SNX29: variants seen among roughly 807,000 people sequenced by gnomAD.
The protein encoded by SNX29 is sorting nexin-29.
In SNX29, 78 loss-of-function variants were observed where a neutral mutation model predicts 102.1. That is an observed-to-expected ratio of 0.76 (90% CI 0.64 to 0.92). The LOEUF is 0.92. Among genes scored for constraint, SNX29 ranks in the 40% least tolerant of loss-of-function variants. The pLI, the probability that SNX29 is intolerant of heterozygous loss-of-function variation, is 0.00. For synonymous variants in SNX29, 580 were observed against 414.5 expected, an observed-to-expected ratio of 1.40 and a Z score of -4.85; for missense variants, 1,280 against 1,061.7, an observed-to-expected ratio of 1.21 and a Z score of -2.86.
At chr16:12,033,723 C>T (rs992164722) in intron 4 of SNX29, among the ~76,000 whole-genome samples, 1 of 151,708 alleles carries the variant, frequency 6.6e-6, no homozygotes, top group Non-Finnish European at 1.5e-5. Context: ...TCTCCTGCTT[C>T]AGCCTCCTGA....
intron 13 of SNX29, among the ~76,000 whole-genome samples, chr16:12,169,110 A>T (rs1337419297): frequency 6.6e-6 from 1 of 152,220 alleles, no homozygotes; most frequent in Admixed American, 6.5e-5. Flanking sequence ...CATTGTCGGG[A>T]TAGCTGCACA....
At chr16:12,153,953 T>C (rs11639556) in intron 13 of SNX29, among the ~76,000 whole-genome samples, 22,262 of 152,286 alleles carry the variant, frequency 0.15, 1,940 homozygotes, top group Admixed American at 0.26. Context: ...GTTTGAATTA[T>C]GGAGACGGTG....
chr16:12,007,854 T>C (rs2056508853), intron 3 of SNX29, among the ~76,000 whole-genome samples: 1 of 152,250 alleles, frequency 6.6e-6, no homozygotes, highest in Non-Finnish European at 1.5e-5. Flanking sequence ...AAGACCCACG[T>C]CCTTAACACA....
chr16:12,025,302 C>CAAAAAAAAA (rs35724715), intron 3 of SNX29, among the ~76,000 whole-genome samples: 8 of 60,568 alleles, frequency 1.3e-4, no homozygotes, highest in Admixed American at 2.3e-4. Flanking sequence ...AACTCCATCT[C>CAAAAAAAAA]AAAAAAAAAA....
At position 12,571,475 on chromosome 16, in the gene SNX29, T is replaced by C; in HGVS notation, c.*2846T>C. ...ATCTGAGAACAGAAGCCCCCTCCCCTACTCAGAGAGGAACGAGGGTGGCCC... is the reference window on the plus strand; with the variant it reads ...ATCTGAGAACAGAAGCCCCCTCCCCCACTCAGAGAGGAACGAGGGTGGCCC... On this transcript the variant is annotated 3_prime_UTR_variant, in exon 21 of 21. Transcript: ENST00000566228. The C allele has an allele frequency of 3.7e-6, 1 of 267,336 alleles. No individual in the cohort carries two copies. Among genetic ancestry groups the C allele is most frequent in the East Asian group, 6.1e-5 (1 of 16,438 alleles). The allele number at this position is 267,336 out of a possible 1,614,324, so 16.6% of individuals were successfully genotyped here. A position where few individuals can be genotyped will look rare whatever the true frequency, so the allele number is the denominator to read the frequency against.
chr16:12,012,760 A>G (rs1395976900), intron 3 of SNX29, among the ~76,000 whole-genome samples: 1 of 151,930 alleles, frequency 6.6e-6, no homozygotes, highest in Admixed American at 6.6e-5. Context: ...CATTTTTGCC[A>G]TTTCTATGTT....
At position 12,524,799 on chromosome 16, in the gene SNX29, G is replaced by GC. The variant is rs2076733472; in HGVS notation, c.2280dup (p.Lys761GlnfsTer52). 1 of 1,613,572 alleles carries GC rather than the reference G, an allele frequency of 6.2e-7. No individual in the cohort carries two copies. Among genetic ancestry groups the GC allele is most frequent in the Non-Finnish European group, 8.5e-7 (1 of 1,179,804 alleles). On this transcript the variant is annotated frameshift_variant, in exon 20 of 21. Transcript: ENST00000566228. LOFTEE classifies it high-confidence loss of function. ...CAGATGGTCCCCGAGTTCGCTGCCA[G>GC]CCCCAAGAAGGAGACCCTCATCCAG...
At chr16:12,134,289 T>C (rs912711281) in intron 13 of SNX29, among the ~76,000 whole-genome samples, 1 of 152,220 alleles carries the variant, frequency 6.6e-6, no homozygotes, top group African/African-American at 2.4e-5. Flanking sequence ...CAAATTATCC[T>C]CAAACTTGGT....
chr16:12,215,616 A>C (rs2077303706), intron 14 of SNX29, among the ~76,000 whole-genome samples: 1 of 152,194 alleles, frequency 6.6e-6, no homozygotes, highest in South Asian at 2.1e-4. Context: ...ACAGGCAGGC[A>C]GGTGGACCTT....
intron 1 of SNX29, among the ~76,000 whole-genome samples, chr16:11,988,731 A>C (rs193120236): frequency 1.2e-4 from 19 of 152,104 alleles, no homozygotes; most frequent in Admixed American, 2.6e-4. Flanking sequence ...GTACATTGCC[A>C]TGCTAGTGTT....
At chr16:12,550,211 G>T (rs745327875) in intron 20 of SNX29, among the ~76,000 whole-genome samples, 7 of 152,230 alleles carry the variant, frequency 4.6e-5, no homozygotes, top group Admixed American at 6.5e-5. Context: ...AAGCATGGAA[G>T]AGTACCACAC....
intron 8 of SNX29, among the ~76,000 whole-genome samples, chr16:12,057,102 C>G (rs745907717): frequency 1.3e-5 from 2 of 152,182 alleles, no homozygotes; most frequent in Non-Finnish European, 1.5e-5. Context: ...GCATGGGTCA[C>G]TGAGCCAGGC....
rs2050310410 is a variant in SNX29, at chr16:12,051,700, C to A, written c.749-147C>A. The A allele has an allele frequency of 3.3e-6, 4 of 1,214,422 alleles. No individual in the cohort carries two copies. In the South Asian group the frequency reaches 4.9e-5, roughly 15 times the overall value. The allele number at this position is 1,214,422 out of a possible 1,614,324, so 75.2% of individuals were successfully genotyped here. On this transcript the variant is annotated intron_variant, in intron 7 of 20. Transcript: ENST00000566228. ...TCAATCTTCTGTACACAGATTTTCA[C>A]TGAGGATTTTAAAAAGTCTGAATTC...
Position 12,541,665 on chromosome 16 carries a change from G to C in SNX29, c.2318+16824G>C, listed in dbSNP as rs186926847. ...CGTTCAGCCAGCTCCTAATGCAGCC[G>C]TGCTGACACCCGTTTACCACTACCC... On this transcript the variant is annotated intron_variant, in intron 20 of 20. Coordinates refer to ENST00000566228, the MANE Select transcript of SNX29 (RefSeq NM_032167.5). 2.6e-5 allele frequency among the ~76,000 whole-genome samples: 4 copies of C among 152,222 alleles called. No individual in the cohort carries two copies. In the East Asian group the frequency reaches 5.8e-4, roughly 22 times the overall value.
chr16:12,354,385 G>T (rs1019259991), intron 15 of SNX29, among the ~76,000 whole-genome samples: 8 of 152,208 alleles, frequency 5.3e-5, no homozygotes, highest in Non-Finnish European at 1.2e-4. Context: ...ATGTGGTCAA[G>T]TTCTGCTCTT....
At position 12,098,557 on chromosome 16, in the gene SNX29, ACGATTCAGTTTCATGCGCGCC is replaced by A. The variant is rs956439363; in HGVS notation, c.1402+19659_1402+19679del. 9.9e-5 allele frequency among the ~76,000 whole-genome samples: 15 copies of A among 152,106 alleles called. No individual in the cohort carries two copies. The highest frequency in any genetic ancestry group is 6.5e-4 in the Admixed American group (10 of 15,288). The stretch of plus-strand genomic sequence containing the variant: ...CACACCGTCGGTTTCATGTGCGCAG[ACGATTCAGTTTCATGCGCGCC>A]CGATTCAGTTTCATGCTCTTCCGTC... On this transcript the variant is annotated intron_variant, in intron 11 of 20. Transcript: ENST00000566228. The surrounding 1 kb of genome is among the most constrained non-coding windows in gnomAD (Gnocchi z 6.0).
At chr16:12,375,134 G>A (rs1398475739) in intron 16 of SNX29, 1 of 152,126 alleles carries the variant, frequency 6.6e-6, no homozygotes, top group African/African-American at 2.4e-5. Context: ...TCCTGGTGGT[G>A]CTTTGTGATG....
Position 12,554,341 on chromosome 16 carries a change from C to G in SNX29, c.2319-14165C>G, listed in dbSNP as rs116718689. On this transcript the variant is annotated intron_variant, in intron 20 of 20. Coordinates refer to ENST00000566228, the MANE Select transcript of SNX29 (RefSeq NM_032167.5). ...AAAATGGGACCAGATGTCTTTTGTTCTGTAGCTTTTCCCTTACCTGTGTCT... is the reference window on the plus strand; with the variant it reads ...AAAATGGGACCAGATGTCTTTTGTTGTGTAGCTTTTCCCTTACCTGTGTCT... Among the ~76,000 whole-genome samples, 94 of 151,394 alleles carry G rather than the reference C, an allele frequency of 6.2e-4. 1 individual carries two copies. Among genetic ancestry groups the G allele is most frequent in the African/African-American group, 2.2e-3 (89 of 40,954 alleles).
At position 12,074,673 on chromosome 16, in the gene SNX29, G is replaced by A. The variant is rs540710982; in HGVS notation, c.1320-4160G>A. Among the ~76,000 whole-genome samples the A allele has an allele frequency of 4.3e-4, 65 of 152,196 alleles. 1 individual carries two copies. The highest frequency in any genetic ancestry group is 1.4e-3 in the African/African-American group (58 of 41,532). The stretch of plus-strand genomic sequence containing the variant: ...GTTGCTCTTCTCCAGGAGTATCTTT[G>A]TGGCGTTCTCTGTATTTCCTGAATC... On this transcript the variant is annotated intron_variant, in intron 10 of 20. Transcript: ENST00000566228.
Sources: gnomAD v4.1 joint callset for allele counts (sites outside exome capture counted in the v4.1 genomes callset) on GRCh38, gnomAD v4.1.1 for gene constraint, Gnocchi (gnomAD v3.1) non-coding constraint, MANE v1.5 for transcripts, NCBI Gene and HGNC (gene_info 2026-07-23, HGNC 2026-07-21) for gene names.